The following PCDH15 variants were observed in gnomAD, a reference collection of about 807,000 sequenced individuals.
PCDH15 encodes protocadherin-15.
PCDH15 carries 129 observed loss-of-function variants against 178.5 expected under a neutral mutation model. The observed-to-expected ratio is 0.72, with a 90% CI of 0.63 to 0.84. The LOEUF (loss-of-function observed/expected upper bound fraction) is 0.84. PCDH15 is among the 40% of genes least tolerant of loss of function. The probability of loss-of-function intolerance (pLI) is 0.00; values close to 1 mark genes in which losing one functional copy is unlikely to be tolerated. For synonymous variants in PCDH15, 800 were observed against 732.0 expected, an observed-to-expected ratio of 1.09 and a Z score of -1.50; for missense variants, 2,230 against 2,099.9, an observed-to-expected ratio of 1.06 and a Z score of -1.21.
chr10:54,150,179 C>T (rs1292162427), intron 14 of PCDH15, among the ~76,000 whole-genome samples: 5 of 151,914 alleles, frequency 3.3e-5, no homozygotes, highest in South Asian at 2.1e-4. Flanking sequence ...TATCATCTGT[C>T]GATGACAGCA....
chr10:54,399,729 G>A (rs1231016647), intron 3 of PCDH15, among the ~76,000 whole-genome samples: 4 of 152,094 alleles, frequency 2.6e-5, no homozygotes, highest in Non-Finnish European at 5.9e-5. Flanking sequence ...TGAGGAATGA[G>A]GAGACCTCAG....
Position 54,993,212 on chromosome 10 carries a change from C to A in PCDH15, c.-79-95712G>T, listed in dbSNP as rs534673990. On this transcript the variant is annotated intron_variant, in intron 2 of 5. Coordinates refer to the PCDH15 transcript ENST00000458638. ...AAATAGAAGAATTCAAAGAAATTTT[C>A]AGGCTAAACAAACAATTAAAGACCT... Among the ~76,000 whole-genome samples, 6 of 152,250 alleles carry A rather than the reference C, an allele frequency of 3.9e-5. No homozygotes were observed. In the East Asian group the frequency reaches 7.7e-4, roughly 20 times the overall value.
intron 3 of PCDH15, among the ~76,000 whole-genome samples, chr10:54,846,081 GA>G (rs1183645950): frequency 6.6e-6 from 1 of 151,970 alleles, no homozygotes; most frequent in Non-Finnish European, 1.5e-5. Flanking sequence ...TGACACCAAA[GA>G]AAATCTAGTA....
intron 14 of PCDH15, among the ~76,000 whole-genome samples, chr10:54,135,152 G>A (rs894522854): frequency 2.7e-5 from 4 of 148,970 alleles, no homozygotes; most frequent in African/African-American, 4.9e-5. Flanking sequence ...GTAGTGACCC[G>A]AGATCGTGCC....
At chr10:55,361,785 A>C (rs1845236203) in intron 2 of PCDH15, among the ~76,000 whole-genome samples, 1 of 152,098 alleles carries the variant, frequency 6.6e-6, no homozygotes, top group Non-Finnish European at 1.5e-5. Context: ...TCAGACCAAT[A>C]GGAGCAAAAG....
intron 2 of PCDH15, among the ~76,000 whole-genome samples, chr10:55,464,001 GAA>G (rs1346839633): frequency 2.4e-5 from 1 of 42,500 alleles, no homozygotes; most frequent in Non-Finnish European, 4.3e-5. Flanking sequence ...GAGAAAGAAA[GAA>G]AGAAAGAAAG....
chr10:54,536,557 T>C (rs1046416419), intron 2 of PCDH15, among the ~76,000 whole-genome samples: 5 of 152,184 alleles, frequency 3.3e-5, no homozygotes, highest in Admixed American at 2.0e-4. Context: ...TATCTGGGTA[T>C]ACTGTAAGGT....
At chr10:54,427,918 C>T (rs2135953593) in intron 3 of PCDH15, among the ~76,000 whole-genome samples, 1 of 152,208 alleles carries the variant, frequency 6.6e-6, no homozygotes, top group South Asian at 2.1e-4. Context: ...AGCTACAATT[C>T]CTCAGCATAA....
intron 2 of PCDH15, among the ~76,000 whole-genome samples, chr10:55,036,726 A>G (rs1029729019): frequency 6.6e-5 from 10 of 152,348 alleles, no homozygotes; most frequent in African/African-American, 2.4e-4. Context: ...GTGTAACTCT[A>G]GCTTTCTATG....
intron 1 of PCDH15, among the ~76,000 whole-genome samples, chr10:55,289,824 T>G (rs1387866648): frequency 6.6e-6 from 1 of 152,136 alleles, no homozygotes; most frequent in Non-Finnish European, 1.5e-5. Flanking sequence ...CTCTTGTGAA[T>G]GGATTAATAT....
chr10:54,301,788 A>T (rs2060164153), intron 8 of PCDH15, among the ~76,000 whole-genome samples: 1 of 152,198 alleles, frequency 6.6e-6, no homozygotes, highest in Non-Finnish European at 1.5e-5. Context: ...GATGAAGGTA[A>T]TTGAGAGGGG....
intron 2 of PCDH15, among the ~76,000 whole-genome samples, chr10:55,476,238 T>C (rs1472180850): frequency 6.6e-6 from 1 of 152,042 alleles, no homozygotes; most frequent in African/African-American, 2.4e-5. Context: ...GCACTTTCCC[T>C]ACCCACAAAA....
intron 2 of PCDH15, among the ~76,000 whole-genome samples, chr10:55,419,182 C>T (rs1005656759): frequency 5.9e-5 from 9 of 151,506 alleles, no homozygotes; most frequent in African/African-American, 1.7e-4. Context: ...AGGTAGAAAG[C>T]GAAATGGGGA....
intron 29 of PCDH15, among the ~76,000 whole-genome samples, chr10:53,837,750 A>AAT (rs2077389980): frequency 6.7e-6 from 1 of 149,796 alleles, no homozygotes; most frequent in Non-Finnish European, 1.5e-5. Context: ...AGCCTTGGAA[A>AAT]ACACACACAC....
intron 3 of PCDH15, among the ~76,000 whole-genome samples, chr10:54,829,828 T>C (rs911088737): frequency 3.9e-5 from 6 of 152,162 alleles, no homozygotes; most frequent in Non-Finnish European, 8.8e-5. Context: ...TGATTCTAAA[T>C]GATATGCACA....
intron 2 of PCDH15, among the ~76,000 whole-genome samples, chr10:55,556,845 A>ACAAAG (rs1842100971): frequency 6.6e-6 from 1 of 152,150 alleles, no homozygotes; most frequent in Non-Finnish European, 1.5e-5. Context: ...ACAAAACAAA[A>ACAAAG]CAAAAAAGTT....
chr10:55,423,000 C>T (rs971952014), intron 2 of PCDH15, among the ~76,000 whole-genome samples: 2 of 151,752 alleles, frequency 1.3e-5, no homozygotes, highest in Non-Finnish European at 2.9e-5. Context: ...ATTTAGAGTA[C>T]AATGTACATA....
chr10:55,220,115 G>C (rs1052584284), intron 1 of PCDH15, among the ~76,000 whole-genome samples: 1 of 151,554 alleles, frequency 6.6e-6, no homozygotes, highest in Non-Finnish European at 1.5e-5. Context: ...TTATACTTAA[G>C]GCCCTATGTC....
At chr10:55,571,534 C>T (rs1317733031) in intron 2 of PCDH15, among the ~76,000 whole-genome samples, 2 of 152,042 alleles carry the variant, frequency 1.3e-5, no homozygotes, top group Non-Finnish European at 2.9e-5. Context: ...CAGTGAAGAA[C>T]TCCTTCATTA....
Sources: gnomAD v4.1 joint callset for allele counts (sites outside exome capture counted in the v4.1 genomes callset) on GRCh38, gnomAD v4.1.1 for gene constraint, MANE v1.5 for transcripts, NCBI Gene and HGNC (gene_info 2026-07-23, HGNC 2026-07-21) for gene names.